BIRC6: variants seen among roughly 807,000 people sequenced by gnomAD.
BIRC6 encodes dual E2 ubiquitin-conjugating enzyme/E3 ubiquitin-protein ligase BIRC6.
In BIRC6, 98 loss-of-function variants were observed where a neutral mutation model predicts 503.3. The observed-to-expected ratio is 0.19, with a 90% confidence interval of 0.17 to 0.23. The LOEUF (loss-of-function observed/expected upper bound fraction) is 0.23, where lower values mean the gene tolerates loss of function less well. BIRC6 is among the 10% of genes least tolerant of loss of function. The pLI is 1.00. For synonymous variants in BIRC6, 2,240 were observed against 2,078.7 expected, an observed-to-expected ratio of 1.08 and a Z score of -2.11; for missense variants, 5,360 against 5,806.0, an observed-to-expected ratio of 0.92 and a Z score of 2.50.
Position 32,599,820 on chromosome 2 carries a change from A to G in BIRC6, c.13912A>G (p.Ser4638Gly). 1.2e-6 allele frequency: 2 copies of G among 1,613,916 alleles called. No homozygotes were observed. The highest frequency in any genetic ancestry group is 1.7e-6 in the Non-Finnish European group (2 of 1,179,814). Reference protein sequence around the residue: ...FDVYFPQDYPSSPPLVNLETT... With the variant: ...FDVYFPQDYPGSPPLVNLETT... ...TGTGTATTTTCCTCAAGATTATCCC[A>G]GTTCACCCCCTCTTGTGAATCTAGA... The change falls in exon 70 of 74, where the codon AGT becomes GGT. Residue 4638 changes from serine to glycine, a missense_variant. Physicochemically the swap from Ser to Gly is moderately conservative, Grantham distance 56. Transcript: ENST00000421745.
chr2:32,601,490 A>G (rs2062054510), intron 70 of BIRC6, among the ~76,000 whole-genome samples: 1 of 152,182 alleles, frequency 6.6e-6, no homozygotes. Context: ...CTGAGGCAGG[A>G]GAAGTGCTTG....
At chr2:32,383,668 A>T (rs1186376271) in intron 3 of BIRC6, among the ~76,000 whole-genome samples, 1 of 151,978 alleles carries the variant, frequency 6.6e-6, no homozygotes, top group African/African-American at 2.4e-5. Flanking sequence ...AGTAGCTGGG[A>T]CTATAGGCAC....
chr2:32,542,443 A>G (rs2057737110), intron 61 of BIRC6, among the ~76,000 whole-genome samples: 1 of 152,174 alleles, frequency 6.6e-6, no homozygotes, highest in African/African-American at 2.4e-5. Flanking sequence ...TCAGGCATCA[A>G]AATTAATAAT....
chr2:32,520,937 A>T (rs939804710), intron 57 of BIRC6, among the ~76,000 whole-genome samples: 1 of 152,246 alleles, frequency 6.6e-6, no homozygotes, highest in African/African-American at 2.4e-5. Context: ...CTAATACAAA[A>T]TAACTGAAAA....
intron 39 of BIRC6, among the ~76,000 whole-genome samples, 179 bp from the exon 40 acceptor site, chr2:32,485,464 C>T (rs901765057): frequency 6.6e-6 from 1 of 152,044 alleles, no homozygotes; most frequent in South Asian, 2.1e-4. Context: ...CTGTCTCTAC[C>T]CTCCTTTCCA....
At chr2:32,609,240 T>G (rs1213296789) in intron 72 of BIRC6, among the ~76,000 whole-genome samples, 1 of 151,862 alleles carries the variant, frequency 6.6e-6, no homozygotes, top group Non-Finnish European at 1.5e-5. Flanking sequence ...AAACCTGTAT[T>G]AATACACTGA....
intron 1 of BIRC6, among the ~76,000 whole-genome samples, chr2:32,360,654 C>G (rs903166075): frequency 6.6e-6 from 1 of 152,138 alleles, no homozygotes; most frequent in Non-Finnish European, 1.5e-5. Flanking sequence ...TCCCTTTAGC[C>G]AGAAATGACT....
At chr2:32,466,055 A>G (rs1191887089) in intron 26 of BIRC6, among the ~76,000 whole-genome samples, 3 of 152,188 alleles carry the variant, frequency 2.0e-5, no homozygotes, top group African/African-American at 4.8e-5. Flanking sequence ...ACTGTAGTAC[A>G]TAAGCCTCCT....
At chr2:32,597,596 A>G (rs536030180) in intron 68 of BIRC6, among the ~76,000 whole-genome samples, 155 bp from the exon 69 acceptor site, 1 of 152,332 alleles carries the variant, frequency 6.6e-6, no homozygotes, top group African/African-American at 2.4e-5. Context: ...CAGTGCTAAT[A>G]TATAGGTGTT....
chr2:32,495,277 G>A (rs199793495), intron 45 of BIRC6, among the ~76,000 whole-genome samples: 9 of 152,042 alleles, frequency 5.9e-5, no homozygotes, highest in Non-Finnish European at 1.3e-4. Flanking sequence ...AGGTTTATAC[G>A]CCACAGAAAC....
At chr2:32,376,499 A>G (rs900689595) in intron 1 of BIRC6, among the ~76,000 whole-genome samples, 1 of 152,184 alleles carries the variant, frequency 6.6e-6, no homozygotes, top group Non-Finnish European at 1.5e-5. Context: ...AGATTTGTGT[A>G]TATTTTATGT....
chr2:32,401,377 C>G lies in BIRC6; in HGVS notation c.1249C>G (p.Leu417Val). The G allele has an allele frequency of 1.2e-6, 2 of 1,613,876 alleles. No homozygotes were observed. The highest frequency in any genetic ancestry group is 1.1e-5 in the South Asian group (1 of 91,074). The change falls in exon 7 of 74, where the codon CTT becomes GTT. Residue 417 changes from leucine to valine, a missense_variant. By Grantham distance (32) the Leu-to-Val change is conservative. Transcript: ENST00000421745. ...GATCTGCATATGGGATGTTTCCAAA[C>G]TTATGAAGGTATGTTTGAATTTTGA... is the stretch of plus-strand genomic sequence containing the variant. Reference protein sequence around the residue: ...GKICIWDVSKLMKVHLKFEIN... With the variant: ...GKICIWDVSKVMKVHLKFEIN...
intron 69 of BIRC6, among the ~76,000 whole-genome samples, chr2:32,598,954 G>A (rs2061857560): frequency 6.7e-6 from 1 of 149,576 alleles, no homozygotes; most frequent in African/African-American, 2.5e-5. Flanking sequence ...CCTGGAAGGT[G>A]GAGGTTGCAG....
chr2:32,481,349 G>T lies in BIRC6; in HGVS notation c.7438G>T (p.Asp2480Tyr), dbSNP rs1307898326. ...ACCTCCTCTGTCCTCTTTGGAAAAA[G>T]ATAAAGAAATTGACCTTGAGTTACT... Reference protein sequence around the residue: ...GAPPLSSLEKDKEIDLELLQD... With the variant: ...GAPPLSSLEKYKEIDLELLQD... Residue 2480 changes from aspartate to tyrosine, a missense_variant, in exon 38 of 74, where the codon GAT becomes TAT. By Grantham distance (160) the Asp-to-Tyr change is radical. Transcript: ENST00000421745. 24 of 1,609,068 alleles carry T rather than the reference G, an allele frequency of 1.5e-5. No homozygotes were observed. The highest frequency in any genetic ancestry group is 1.7e-5 in the Admixed American group (1 of 59,476).
intron 21 of BIRC6, 85 bp from the exon 22 acceptor site, chr2:32,448,710 C>CA: frequency 7.7e-7 from 1 of 1,299,252 alleles, no homozygotes; most frequent in Non-Finnish European, 1.1e-6. Flanking sequence ...CGCTGTTAGT[C>CA]AGACTGCTTT....
In BIRC6 at chr2:32,463,291, G is replaced by T; in HGVS notation, c.4851G>T (p.Leu1617Phe). The change falls in exon 24 of 74, where the codon TTG becomes TTT. Residue 1617 changes from leucine to phenylalanine, a missense_variant. Physicochemically the swap from Leu to Phe is conservative, Grantham distance 22. Transcript: ENST00000421745. ...TALSSAAQVALQSLSHAMASA... is the reference protein window; with the variant it reads ...TALSSAAQVAFQSLSHAMASA... ...TGAGTTCAGCAGCCCAGGTAGCTTT[G>T]CAGTCTCTCTCTCATGCAATGGCTT... 1.9e-6 allele frequency: 3 copies of T among 1,613,888 alleles called. No homozygotes were observed. In the South Asian group the frequency reaches 3.3e-5, roughly 18 times the overall value.
At chr2:32,417,422 G>C (rs1485490404) in intron 10 of BIRC6, among the ~76,000 whole-genome samples, 1 of 152,230 alleles carries the variant, frequency 6.6e-6, no homozygotes, top group Non-Finnish European at 1.5e-5. Flanking sequence ...GGGATTACAG[G>C]CGTGTGGCAT....
At chr2:32,510,735 A>G in intron 53 of BIRC6, 101 bp downstream of exon 53, 1 of 791,816 alleles carries the variant, frequency 1.3e-6, no homozygotes, top group Non-Finnish European at 2.1e-6. Flanking sequence ...CATAAAAGAC[A>G]ATACTGTGAT....
At chr2:32,496,636 T>A (rs1401754883) in intron 45 of BIRC6, among the ~76,000 whole-genome samples, 2 of 152,204 alleles carry the variant, frequency 1.3e-5, no homozygotes, top group Non-Finnish European at 2.9e-5. Flanking sequence ...TAGTGTAGGC[T>A]CTCCACCTTT....
Sources: gnomAD v4.1 joint callset for allele counts (sites outside exome capture counted in the v4.1 genomes callset) on GRCh38, gnomAD v4.1.1 for gene constraint, MANE v1.5 for transcripts, NCBI Gene and HGNC (gene_info 2026-07-23, HGNC 2026-07-21) for gene names.